KCNK1: variants seen among roughly 807,000 people sequenced by gnomAD.
KCNK1 encodes the protein potassium two pore domain channel subfamily K member 1.
In KCNK1, 10 loss-of-function variants were observed where a neutral mutation model predicts 22.2. The ratio of observed to expected loss-of-function variants is 0.45; its 90% CI spans 0.28 to 0.76. The LOEUF (loss-of-function observed/expected upper bound fraction) is 0.76. Among genes scored for constraint, KCNK1 ranks in the 30% least tolerant of loss-of-function variants. KCNK1 has a pLI of 0.14. For missense variants in KCNK1, 378 were observed against 421.0 expected, an observed-to-expected ratio of 0.90 and a Z score of 0.89; for synonymous variants, 200 against 186.4, an observed-to-expected ratio of 1.07 and a Z score of -0.60.
At chr1:233,658,906 G>T (rs925065850) in intron 1 of KCNK1, among the ~76,000 whole-genome samples, 1 of 152,194 alleles carries the variant, frequency 6.6e-6, no homozygotes, top group African/African-American at 2.4e-5. Context: ...GAGTGAATGT[G>T]ATGGCCTCGG....
intron 2 of KCNK1, among the ~76,000 whole-genome samples, chr1:233,668,227 G>C (rs1031970031): frequency 6.6e-6 from 1 of 152,100 alleles, no homozygotes; most frequent in Non-Finnish European, 1.5e-5. Flanking sequence ...CTCAGGTCAC[G>C]TTTTCTAGCG....
intron 1 of KCNK1, among the ~76,000 whole-genome samples, chr1:233,662,378 G>A (rs1405916151): frequency 1.3e-5 from 2 of 151,972 alleles, no homozygotes; most frequent in Non-Finnish European, 2.9e-5. Flanking sequence ...ATGCAAATAA[G>A]TGATACTGTT....
intron 1 of KCNK1, among the ~76,000 whole-genome samples, chr1:233,663,099 AACG>A: frequency 6.6e-6 from 1 of 152,240 alleles, no homozygotes; most frequent in East Asian, 1.9e-4. Flanking sequence ...GTCTACTGCA[AACG>A]AAGCGCTGTG....
intron 1 of KCNK1, among the ~76,000 whole-genome samples, chr1:233,638,169 T>TGGAAGTGGCA (rs1657935882): frequency 6.6e-6 from 1 of 152,112 alleles, no homozygotes; most frequent in Admixed American, 6.5e-5. Context: ...AGTAAGTGTC[T>TGGAAGTGGCA]GATGTGAGAT....
chr1:233,658,583 C>G (rs747956655), intron 1 of KCNK1, among the ~76,000 whole-genome samples: 53 of 152,298 alleles, frequency 3.5e-4, no homozygotes, highest in Non-Finnish European at 6.9e-4. Flanking sequence ...CAAGCGTCAC[C>G]TAACGACAGG....
In KCNK1 at chr1:233,614,537, C is replaced by G. The variant is rs1246039319; in HGVS notation, c.355+11C>G. The G allele has an allele frequency of 6.4e-7, 1 of 1,553,314 alleles. No individual in the cohort carries two copies. Among genetic ancestry groups the G allele is most frequent in the Non-Finnish European group, 8.7e-7 (1 of 1,146,480 alleles). ...TGCTCTCCACCACAGGTAGGGTATC[C>G]TGCGCGCCCCCTGGCCGCCCCGGCC... is the stretch of plus-strand genomic sequence containing the variant. On this transcript the variant is annotated intron_variant, in intron 1 of 2. Transcript: ENST00000366621.
intron 1 of KCNK1, 46 bp from the exon 2 acceptor site, chr1:233,666,549 A>C: frequency 6.5e-7 from 1 of 1,541,268 alleles, no homozygotes; most frequent in Non-Finnish European, 8.7e-7. Context: ...CGTGTTTGCC[A>C]CTTTGTCTCT....
intron 1 of KCNK1, among the ~76,000 whole-genome samples, chr1:233,617,339 T>C (rs1657503988): frequency 6.6e-6 from 1 of 152,208 alleles, no homozygotes; most frequent in East Asian, 1.9e-4. Context: ...AATAGTCTTC[T>C]CATTCTGTGC....
chr1:233,670,468 A>G (rs1210378975), intron 2 of KCNK1, among the ~76,000 whole-genome samples: 2 of 152,250 alleles, frequency 1.3e-5, no homozygotes, highest in African/African-American at 4.8e-5. Flanking sequence ...TACAAAAGAA[A>G]GAGGTTTAAT....
At chr1:233,632,466 G>A (rs1057484680) in intron 1 of KCNK1, among the ~76,000 whole-genome samples, 5 of 152,056 alleles carry the variant, frequency 3.3e-5, no homozygotes, top group South Asian at 2.1e-4. Context: ...TAACCTTACC[G>A]GGACTGGATT....
At chr1:233,653,116 TC>T (rs1658228127) in intron 1 of KCNK1, among the ~76,000 whole-genome samples, 1 of 152,166 alleles carries the variant, frequency 6.6e-6, no homozygotes. Flanking sequence ...CTGGGACAAC[TC>T]CTATATTCCA....
At chr1:233,655,728 C>A in intron 1 of KCNK1, 2 of 153,030 alleles carry the variant, frequency 1.3e-5, no homozygotes, top group South Asian at 3.6e-4. Context: ...AGTGAGAAGT[C>A]TATGAGGAAG....
At chr1:233,638,470 C>T (rs1036619306) in intron 1 of KCNK1, among the ~76,000 whole-genome samples, 2 of 151,100 alleles carry the variant, frequency 1.3e-5, no homozygotes, top group African/African-American at 4.9e-5. Flanking sequence ...GAGGGTTTTG[C>T]AGAAGGGAGA....
chr1:233,637,313 C>G (rs554182992), intron 1 of KCNK1: 1 of 151,988 alleles, frequency 6.6e-6, no homozygotes, highest in African/African-American at 2.4e-5. Context: ...ACCCCATACC[C>G]AGGAAGCGAG....
intron 1 of KCNK1, among the ~76,000 whole-genome samples, chr1:233,642,691 C>G (rs1412142922): frequency 1.3e-5 from 2 of 152,068 alleles, no homozygotes; most frequent in Non-Finnish European, 2.9e-5. Flanking sequence ...TAGAACAACC[C>G]AAACTAAAAC....
At chr1:233,629,353 A>C (rs969884814) in intron 1 of KCNK1, among the ~76,000 whole-genome samples, 12 of 152,126 alleles carry the variant, frequency 7.9e-5, no homozygotes, top group Non-Finnish European at 1.5e-4. Flanking sequence ...CAGTATGGTA[A>C]GGTTAGGTAG....
chr1:233,659,661 G>C (rs1198768548), intron 1 of KCNK1, among the ~76,000 whole-genome samples: 1 of 151,920 alleles, frequency 6.6e-6, no homozygotes, highest in Non-Finnish European at 1.5e-5. Context: ...AGACACTTGG[G>C]TAATGCATCG....
intron 1 of KCNK1, among the ~76,000 whole-genome samples, chr1:233,621,703 C>G (rs1657589628): frequency 6.6e-6 from 1 of 151,996 alleles, no homozygotes; most frequent in African/African-American, 2.4e-5. Flanking sequence ...TAAAACATAC[C>G]AGTTTTTAGT....
intron 2 of KCNK1, among the ~76,000 whole-genome samples, chr1:233,667,791 TA>T (rs1293069617): frequency 7.4e-5 from 11 of 148,486 alleles, no homozygotes; most frequent in Admixed American, 5.4e-4. Context: ...AACTGTTAAT[TA>T]AAAAAAAAGA....
Sources: gnomAD v4.1 joint callset for allele counts (sites outside exome capture counted in the v4.1 genomes callset) on GRCh38, gnomAD v4.1.1 for gene constraint, MANE v1.5 for transcripts, NCBI Gene and HGNC (gene_info 2026-07-23, HGNC 2026-07-21) for gene names.